The following TNRC6A variants were observed in gnomAD, a reference collection of about 807,000 sequenced individuals.
TNRC6A encodes the protein trinucleotide repeat containing adaptor 6A.
A neutral mutation model predicts 221.2 loss-of-function variants in TNRC6A; 44 were observed. The ratio of observed to expected loss-of-function variants is 0.20; its 90% CI spans 0.16 to 0.26. The LOEUF is 0.26. Ranked by LOEUF, TNRC6A falls within the 10% of genes least tolerant of loss-of-function variation. The pLI is 1.00. For missense variants in TNRC6A, 2,199 were observed against 2,404.4 expected, an observed-to-expected ratio of 0.91 and a Z score of 1.79; for synonymous variants, 847 against 838.5, an observed-to-expected ratio of 1.01 and a Z score of -0.18.
upstream of TNRC6A, among the ~76,000 whole-genome samples, chr16:24,727,892 G>A (rs2151122296): frequency 6.6e-6 from 1 of 151,838 alleles, no homozygotes; most frequent in Non-Finnish European, 1.5e-5. Flanking sequence ...GCATTTATTC[G>A]GTGCCCACTA....
intron 7 of TNRC6A, 47 bp from the exon 8 acceptor site, chr16:24,794,497 T>G: frequency 6.4e-7 from 1 of 1,569,686 alleles, no homozygotes; most frequent in Non-Finnish European, 8.6e-7. Context: ...CAGAAGGAAT[T>G]CTTTTATTAA....
At chr16:24,668,555 C>T (rs989531535) in intron 2 of TNRC6A, among the ~76,000 whole-genome samples, 2 of 152,146 alleles carry the variant, frequency 1.3e-5, no homozygotes, top group African/African-American at 2.4e-5. Context: ...ACTGGCATCA[C>T]GCTTGCCTCC....
intron 17 of TNRC6A, 122 bp downstream of exon 17, chr16:24,806,906 C>G (rs2151998441): frequency 1.1e-6 from 1 of 939,112 alleles, no homozygotes; most frequent in Non-Finnish European, 1.6e-6. Context: ...TAGCTGTTCC[C>G]TCTCAGAGAG....
In TNRC6A at chr16:24,789,415, C is replaced by T; in HGVS notation, c.773C>T (p.Ser258Phe). The T allele has an allele frequency of 6.2e-7, 1 of 1,614,184 alleles. No homozygotes were observed. The highest frequency in any genetic ancestry group is 8.5e-7 in the Non-Finnish European group (1 of 1,180,020). ...ELASECMDAD[S>F]ASSSESERNI... is the part of the protein sequence containing the mutation. ...GCTTCAGAATGTATGGATGCTGATT[C>T]TGCCTCCAGTTCTGAATCAGAGAGA... is the stretch of plus-strand genomic sequence containing the variant. The change falls in exon 6 of 25, where the codon TCT becomes TTT. Residue 258 changes from serine to phenylalanine, a missense_variant. Ser to Phe is a radical substitution (Grantham distance 155). Around this residue, in one of 8 missense-constraint regions of TNRC6A, gnomAD observed 1,405 missense variants for 1,400.2 expected, o/e 1.00. Coordinates refer to ENST00000395799, the MANE Select transcript of TNRC6A (RefSeq NM_014494.4).
At chr16:24,630,327 A>G (rs979116305) in intron 1 of TNRC6A, among the ~76,000 whole-genome samples, 2 of 151,978 alleles carry the variant, frequency 1.3e-5, no homozygotes, top group Non-Finnish European at 2.9e-5. Context: ...ATTTCCCTCT[A>G]CTGGATCATT....
Position 24,789,861 on chromosome 16 carries a change from A to G in TNRC6A, c.1219A>G (p.Ile407Val), listed in dbSNP as rs750057251. 2.2e-5 allele frequency: 35 copies of G among 1,614,190 alleles called. No individual in the cohort carries two copies. Among genetic ancestry groups the G allele is most frequent in the South Asian group, 4.4e-5 (4 of 91,074 alleles). ...TIGQMPNNQS[I>V]NSKVSGGSTH... ...AGGCCAGATGCCTAACAATCAGAGTATTAACTCTAAAGTGAGTGGTGGTTC... is the reference window on the plus strand; with the variant it reads ...AGGCCAGATGCCTAACAATCAGAGTGTTAACTCTAAAGTGAGTGGTGGTTC... The change falls in exon 6 of 25, where the codon ATT (isoleucine) becomes GTT (valine). Residue 407 changes from isoleucine to valine, a missense_variant. Physicochemically the swap from Ile to Val is conservative, Grantham distance 29. Around this residue, in one of 8 missense-constraint regions of TNRC6A, gnomAD observed 1,405 missense variants for 1,400.2 expected, o/e 1.00. Coordinates refer to ENST00000395799, the MANE Select transcript of TNRC6A (RefSeq NM_014494.4).
At chr16:24,668,082 T>C (rs2055211197) in intron 2 of TNRC6A, among the ~76,000 whole-genome samples, 1 of 150,402 alleles carries the variant, frequency 6.6e-6, no homozygotes, top group Non-Finnish European at 1.5e-5. Context: ...AATCCCAGCA[T>C]TTTGGGAGGC....
intron 2 of TNRC6A, among the ~76,000 whole-genome samples, chr16:24,669,191 T>G (rs1430378827): frequency 2.0e-5 from 3 of 152,054 alleles, no homozygotes; most frequent in African/African-American, 7.2e-5. Context: ...CTGAAATAGA[T>G]CATCTGTACA....
chr16:24,712,729 A>G (rs925663478), intron 2 of TNRC6A, among the ~76,000 whole-genome samples: 1 of 151,996 alleles, frequency 6.6e-6, no homozygotes, highest in African/African-American at 2.4e-5. Flanking sequence ...CAGATTCTCT[A>G]TGCTTGAAGA....
intron 2 of TNRC6A, among the ~76,000 whole-genome samples, chr16:24,737,759 A>T (rs1442439102): frequency 6.6e-6 from 1 of 152,216 alleles, no homozygotes; most frequent in African/African-American, 2.4e-5. Flanking sequence ...TTGCTGCAAT[A>T]ATATTGAATA....
chr16:24,724,737 T>C (rs1026027275), upstream of TNRC6A, among the ~76,000 whole-genome samples: 1 of 152,080 alleles, frequency 6.6e-6, no homozygotes, highest in Admixed American at 6.5e-5. Context: ...GAGCAAGACC[T>C]TGTTAAAATA....
rs1205436757 is a variant in TNRC6A, at chr16:24,822,059, C to T, written c.5303-18C>T. 5 of 1,613,694 alleles carry T rather than the reference C, an allele frequency of 3.1e-6. No individual in the cohort carries two copies. Among genetic ancestry groups the T allele is most frequent in the African/African-American group, 1.3e-5 (1 of 74,910 alleles). ...TTCAGTCCTGGAAAACTGACTTGTC[C>T]TTTTTTTCCTTGTTTAGGTTCCAGC... On this transcript the variant is annotated intron_variant, in intron 22 of 24. Coordinates refer to ENST00000395799, the MANE Select transcript of TNRC6A (RefSeq NM_014494.4).
intron 2 of TNRC6A, among the ~76,000 whole-genome samples, chr16:24,670,650 T>A (rs1166415496): frequency 6.6e-6 from 1 of 152,146 alleles, no homozygotes; most frequent in Non-Finnish European, 1.5e-5. Flanking sequence ...ACCTGTGCCC[T>A]GCCCAGCCTC....
In TNRC6A at chr16:24,632,125, A is replaced by C. The variant is rs550550755; in HGVS notation, n.277-8759A>C. Among the ~76,000 whole-genome samples, 5 of 152,222 alleles carry C rather than the reference A, an allele frequency of 3.3e-5. No individual in the cohort carries two copies. The South Asian group carries it at 6.2e-4, about 19-fold the overall frequency. On this transcript the variant is annotated intron_variant and non_coding_transcript_variant, in intron 1 of 2. Coordinates refer to the TNRC6A transcript ENST00000566108. ...CTCTGCCTCCCAAAGTGCTGGGATT[A>C]CAGGTGTGAGCCACCACGCCCAGGC...
intron 9 of TNRC6A, among the ~76,000 whole-genome samples, chr16:24,796,863 T>C (rs1164528386): frequency 6.6e-6 from 1 of 152,172 alleles, no homozygotes; most frequent in Admixed American, 6.5e-5. Context: ...CCCTCCATCC[T>C]CTTAACTCAT....
chr16:24,820,444 G>A, intron 22 of TNRC6A, 84 bp downstream of exon 22: 2 of 1,266,328 alleles, frequency 1.6e-6, no homozygotes, highest in South Asian at 2.6e-5. Flanking sequence ...ACAGAGACCT[G>A]AACGGTAAAC....
chr16:24,786,956 C>T (rs777014987), intron 5 of TNRC6A, among the ~76,000 whole-genome samples: 10 of 152,200 alleles, frequency 6.6e-5, no homozygotes, highest in Middle Eastern at 3.2e-3. Flanking sequence ...GTTGAGATTA[C>T]AGGCATAAGC....
At chr16:24,731,012 T>G (rs1429131873) in intron 2 of TNRC6A, among the ~76,000 whole-genome samples, 3 of 150,218 alleles carry the variant, frequency 2.0e-5, no homozygotes, top group Non-Finnish European at 4.4e-5. Context: ...CTTTATGGAA[T>G]GGAAATATTT....
intron 1 of TNRC6A, among the ~76,000 whole-genome samples, chr16:24,638,759 A>G (rs1168056560): frequency 1.3e-5 from 2 of 152,148 alleles, no homozygotes; most frequent in Non-Finnish European, 2.9e-5. Flanking sequence ...GAATCCCTGT[A>G]ATCTCTAAAT....
Sources: allele counts gnomAD v4.1 joint callset (sites outside exome capture counted in the v4.1 genomes callset), GRCh38; gene constraint gnomAD v4.1.1; regional missense constraint gnomAD v4.1.1; transcripts MANE v1.5; gene names NCBI Gene and HGNC (gene_info 2026-07-23, HGNC 2026-07-21).